Variants in PRAG1 observed in about 807,000 individuals in gnomAD.
The protein encoded by PRAG1 is inactive tyrosine-protein kinase PRAG1.
In PRAG1, 110 loss-of-function variants were observed where a neutral mutation model predicts 95.6. The ratio of observed to expected loss-of-function variants is 1.15; its 90% CI spans 0.99 to 1.35. The LOEUF (loss-of-function observed/expected upper bound fraction) is 1.35, where lower values mean the gene tolerates loss of function less well. Among genes scored for constraint, PRAG1 ranks in the 40% most tolerant of loss-of-function variants. PRAG1 has a pLI of 0.00. For missense variants in PRAG1, 2,554 were observed against 1,864.7 expected, an observed-to-expected ratio of 1.37 and a Z score of -6.81; for synonymous variants, 1,052 against 819.4, an observed-to-expected ratio of 1.28 and a Z score of -4.85.
chr8:8,330,613 C>G (rs903204739), intron 4 of PRAG1, among the ~76,000 whole-genome samples: 1 of 152,150 alleles, frequency 6.6e-6, no homozygotes, highest in Non-Finnish European at 1.5e-5. Context: ...GTCACTTTTA[C>G]ATGCCCACGA....
rs886378639 is a variant in PRAG1, at chr8:8,377,827, T to G, written c.582A>C (p.Ser194=). The change falls in exon 3 of 6, where the codon TCA becomes TCC. Residue 194 remains serine, a synonymous_variant. Transcript: ENST00000615670. Reference sequence around the variant, plus strand: ...TGGAGGGCCGGTCTTGGTAAGGAAATGAGGGTTTTTCTTTGTGCACAGCCT... The same window carrying G: ...TGGAGGGCCGGTCTTGGTAAGGAAAGGAGGGTTTTTCTTTGTGCACAGCCT... ...EEKAVHKEKP[S]FPYQDRPSTQ... 1.9e-6 allele frequency: 3 copies of G among 1,613,978 alleles called. No individual in the cohort carries two copies. Among genetic ancestry groups the G allele is most frequent in the Non-Finnish European group, 2.5e-6 (3 of 1,180,002 alleles).
At chr8:8,378,968 GGTGAGGGGTGGTTTCTGAACCAGATCAGA>G (rs1320752126) in intron 2 of PRAG1, among the ~76,000 whole-genome samples, 5 of 152,088 alleles carry the variant, frequency 3.3e-5, no homozygotes, top group South Asian at 2.1e-4. Flanking sequence ...ACCGGATCAG[GGTGAGGGGTGGTTTCTGAACCAGATCAGA>G]GTGAGGGGTA....
rs189952220 is a variant in PRAG1 at position 8,347,539 on chromosome 8, A to C, written c.2163-7904T>G. Among the ~76,000 whole-genome samples the C allele has an allele frequency of 2.6e-3, 394 of 152,316 alleles. 2 individuals carry two copies. The highest frequency in any genetic ancestry group is 3.1e-3 in the Non-Finnish European group (214 of 68,018). On this transcript the variant is annotated intron_variant, in intron 3 of 5. Transcript: ENST00000615670. ...TCTCTACTATTTAGCCACTTACTAA[A>C]GTCAAAATCATTAAGCAATTCGAGT... is the stretch of plus-strand genomic sequence containing the variant.
At chr8:8,324,992 C>T (rs1798588928) in intron 5 of PRAG1, among the ~76,000 whole-genome samples, 2 of 152,264 alleles carry the variant, frequency 1.3e-5, no homozygotes, top group South Asian at 4.1e-4. Flanking sequence ...TGTGAGCCTG[C>T]TATTGTTAAC....
At chr8:8,349,930 T>TAC (rs67536846) in intron 3 of PRAG1, among the ~76,000 whole-genome samples, 6,418 of 144,528 alleles carry the variant, frequency 0.044, 120 homozygotes, top group South Asian at 0.061. Flanking sequence ...GATAGGAAAA[T>TAC]ACACACACAC....
chr8:8,363,515 G>C (rs1799911445), intron 3 of PRAG1, among the ~76,000 whole-genome samples: 1 of 152,184 alleles, frequency 6.6e-6, no homozygotes, highest in African/African-American at 2.4e-5. Flanking sequence ...ACCTAGAGTA[G>C]TCAAATTCAG....
intron 3 of PRAG1, among the ~76,000 whole-genome samples, chr8:8,346,044 CTT>C (rs1299151815): frequency 6.6e-6 from 1 of 152,168 alleles, no homozygotes; most frequent in Non-Finnish European, 1.5e-5. Context: ...CTGGAAAAGG[CTT>C]ACTATTGCAA....
chr8:8,373,664 G>A (rs1176067302), intron 3 of PRAG1, among the ~76,000 whole-genome samples: 1 of 152,054 alleles, frequency 6.6e-6, no homozygotes, highest in African/African-American at 2.4e-5. Flanking sequence ...TGTTGCCCAG[G>A]TTGGTCTCAA....
rs1337889709 is a variant in PRAG1, at chr8:8,376,276, G to C, written c.2133C>G (p.Phe711Leu). The C allele has an allele frequency of 3.7e-6, 6 of 1,614,060 alleles. No homozygotes were observed. Among genetic ancestry groups the C allele is most frequent in the Admixed American group, 1.7e-5 (1 of 60,032 alleles). Residue 711 changes from phenylalanine (F) to leucine (L), a missense_variant, in exon 3 of 6, where the codon TTC (phenylalanine) becomes TTG (leucine). Transcript: ENST00000615670. ...ACTTTGGAGGCGGAGGAGGAGGTGA[G>C]AATGTCTCAATCCCACTTCTGTCCT... ...FPKDRSGIET[F>L]SPPPPPPKSR...
chr8:8,346,175 A>G (rs1799335853), intron 3 of PRAG1, among the ~76,000 whole-genome samples: 1 of 152,222 alleles, frequency 6.6e-6, no homozygotes, highest in Non-Finnish European at 1.5e-5. Flanking sequence ...CTTTTCCTTC[A>G]TTAATAATAA....
chr8:8,354,723 T>G lies in PRAG1; in HGVS notation c.2163-15088A>C, dbSNP rs555928097. On this transcript the variant is annotated intron_variant, in intron 3 of 5. Transcript: ENST00000615670. Reference sequence around the variant, plus strand: ...AAAAAGCATTTGACAAGGTACAGCATCCTTTCTTGATAAAAACTCTTAACA... The same window carrying G: ...AAAAAGCATTTGACAAGGTACAGCAGCCTTTCTTGATAAAAACTCTTAACA... Among the ~76,000 whole-genome samples the G allele has an allele frequency of 2.0e-5, 3 of 152,252 alleles. No individual in the cohort carries two copies. The South Asian group carries it at 6.2e-4, about 32-fold the overall frequency.
intron 3 of PRAG1, among the ~76,000 whole-genome samples, chr8:8,355,343 G>A (rs974985835): frequency 1.3e-5 from 2 of 152,080 alleles, no homozygotes; most frequent in Non-Finnish European, 2.9e-5. Flanking sequence ...ACCACCAAAA[G>A]TGATATACAG....
chr8:8,347,113 C>G (rs1413977540), intron 3 of PRAG1, among the ~76,000 whole-genome samples: 3 of 152,340 alleles, frequency 2.0e-5, no homozygotes, highest in Non-Finnish European at 4.4e-5. Flanking sequence ...TGGTTTTAAA[C>G]TCAAACAACC....
chr8:8,359,342 C>A (rs1799777007), intron 3 of PRAG1, among the ~76,000 whole-genome samples: 1 of 152,104 alleles, frequency 6.6e-6, no homozygotes, highest in Admixed American at 6.6e-5. Context: ...TACTAATTCC[C>A]AGATGCATGG....
At chr8:8,347,187 C>T (rs111515515) in intron 3 of PRAG1, among the ~76,000 whole-genome samples, 2,589 of 152,312 alleles carry the variant, frequency 0.017, 44 homozygotes, top group Non-Finnish European at 0.027. Flanking sequence ...GTGCTGTCCT[C>T]ATCAGTGAGG....
At chr8:8,376,022 A>T (rs541223290) in intron 3 of PRAG1, among the ~76,000 whole-genome samples, 2 of 152,164 alleles carry the variant, frequency 1.3e-5, no homozygotes, top group Admixed American at 6.5e-5. Context: ...TAAATCACCA[A>T]TCCCAAGCAG....
chr8:8,366,687 CTTTTTTTTT>C (rs1563250141), intron 3 of PRAG1, among the ~76,000 whole-genome samples: 1 of 150,714 alleles, frequency 6.6e-6, no homozygotes, highest in South Asian at 2.1e-4. Context: ...TTATTTTTAT[CTTTTTTTTT>C]GAGACAAGAT....
intron 5 of PRAG1, among the ~76,000 whole-genome samples, chr8:8,325,520 T>C (rs1018899882): frequency 6.6e-6 from 1 of 152,176 alleles, no homozygotes; most frequent in African/African-American, 2.4e-5. Context: ...AAGTTAAATT[T>C]CTTTTGTGTT....
intron 2 of PRAG1, among the ~76,000 whole-genome samples, chr8:8,378,840 A>G (rs1800530827): frequency 7.1e-6 from 1 of 140,788 alleles, no homozygotes; most frequent in South Asian, 2.6e-4. Context: ...AGCCTGGGCG[A>G]CAATGCCAGA....
Sources: gnomAD v4.1 joint callset for allele counts (sites outside exome capture counted in the v4.1 genomes callset) on GRCh38, gnomAD v4.1.1 for gene constraint, MANE v1.5 for transcripts, NCBI Gene and HGNC (gene_info 2026-07-23, HGNC 2026-07-21) for gene names.